Variants in ADAD1 observed in about 807,000 individuals in gnomAD.
ADAD1 encodes adenosine deaminase domain-containing protein 1.
Under a neutral mutation model 66.8 loss-of-function variants are expected in ADAD1, and 46 were observed. The observed-to-expected ratio is 0.69, with a 90% CI of 0.54 to 0.88. ADAD1 has a LOEUF of 0.88. Ranked by LOEUF, ADAD1 falls within the 40% of genes least tolerant of loss-of-function variation. The probability of loss-of-function intolerance (pLI) is 0.00; values close to 1 mark genes in which losing one functional copy is unlikely to be tolerated. For synonymous variants in ADAD1, 248 were observed against 229.4 expected, an observed-to-expected ratio of 1.08 and a Z score of -0.73; for missense variants, 617 against 681.8, an observed-to-expected ratio of 0.91 and a Z score of 1.06.
chr4:122,407,726 C>A (rs966268348), intron 7 of ADAD1, among the ~76,000 whole-genome samples, 182 bp from the exon 8 acceptor site: 5 of 152,122 alleles, frequency 3.3e-5, no homozygotes, highest in African/African-American at 1.2e-4. Flanking sequence ...TATAAAACAT[C>A]TGCCTTTTTA....
intron 7 of ADAD1, 40 bp downstream of exon 7, chr4:122,396,417 T>G: frequency 6.7e-7 from 1 of 1,487,142 alleles, no homozygotes; most frequent in Non-Finnish European, 9.1e-7. Context: ...ATTGTAATAA[T>G]CTAATAGTAA....
chr4:122,404,078 T>G (rs1051019026), intron 7 of ADAD1, among the ~76,000 whole-genome samples: 1 of 152,120 alleles, frequency 6.6e-6, no homozygotes, highest in African/African-American at 2.4e-5. Context: ...CGCTGAGATC[T>G]TGCACGAGGA....
chr4:122,420,684 G>T (rs1796963721), intron 11 of ADAD1, among the ~76,000 whole-genome samples: 1 of 152,156 alleles, frequency 6.6e-6, no homozygotes, highest in Admixed American at 6.6e-5. Context: ...CAATAAAGGG[G>T]AAAAGTTACA....
At chr4:122,426,802 T>C (rs553720722) in intron 12 of ADAD1, among the ~76,000 whole-genome samples, 1 of 152,246 alleles carries the variant, frequency 6.6e-6, no homozygotes, top group Middle Eastern at 3.4e-3. Flanking sequence ...ATAAAAACAC[T>C]GAACAAACAA....
intron 5 of ADAD1, among the ~76,000 whole-genome samples, chr4:122,392,398 A>G (rs1236760825): frequency 1.3e-5 from 2 of 152,252 alleles, no homozygotes; most frequent in Non-Finnish European, 2.9e-5. Flanking sequence ...TGTCCTTTGC[A>G]GCAACATGGA....
rs557415371 is a variant in ADAD1, at chr4:122,403,510, C to T, written c.725-4398C>T. On this transcript the variant is annotated intron_variant, in intron 7 of 12. Transcript: ENST00000296513. Reference sequence around the variant, plus strand: ...AGTTGTCACATGGACAGACTCAGGACCTCTGCTTAGCCAGGATGTTGCAGG... The same window carrying T: ...AGTTGTCACATGGACAGACTCAGGATCTCTGCTTAGCCAGGATGTTGCAGG... Among the ~76,000 whole-genome samples, 5 of 152,274 alleles carry T rather than the reference C, an allele frequency of 3.3e-5. No individual in the cohort carries two copies. In the South Asian group the frequency reaches 1.0e-3, roughly 32 times the overall value.
intron 7 of ADAD1, among the ~76,000 whole-genome samples, chr4:122,402,769 ACCT>A (rs1796036801): frequency 6.6e-6 from 1 of 151,982 alleles, no homozygotes; most frequent in South Asian, 2.1e-4. Context: ...TATTTCTTCT[ACCT>A]CTTCTAGTCT....
chr4:122,383,999 A>C, intron 5 of ADAD1, 33 bp downstream of exon 5: 1 of 1,518,520 alleles, frequency 6.6e-7, no homozygotes, highest in South Asian at 1.3e-5. Flanking sequence ...TATTTATAAG[A>C]GGTATCATTT....
At chr4:122,411,633 T>C (rs1488169775) in intron 9 of ADAD1, among the ~76,000 whole-genome samples, 1 of 152,208 alleles carries the variant, frequency 6.6e-6, no homozygotes, top group African/African-American at 2.4e-5. Flanking sequence ...GCTCCAGAAT[T>C]GGAAACTTTT....
chr4:122,407,107 T>G (rs10050137), intron 7 of ADAD1, among the ~76,000 whole-genome samples: 6,537 of 152,156 alleles, frequency 0.043, 480 homozygotes, highest in African/African-American at 0.15. Flanking sequence ...GAACTGCAGT[T>G]ACATTTGCAC....
Position 122,396,370 on chromosome 4 carries a change from T to C in ADAD1, c.717T>C (p.Ile239=). 1.3e-6 allele frequency: 2 copies of C among 1,579,572 alleles called. No homozygotes were observed. The highest frequency in any genetic ancestry group is 1.7e-6 in the Non-Finnish European group (2 of 1,166,632). ...GCAGTTCATTGGCTGCTTTTATAAT[T>C]GAAAGAGGTAAGTCCACATATTTGG... The part of the protein sequence containing the change: ...KYSSSLAAFI[I]ERAGQHEVVA... Residue 239 remains isoleucine (I), a synonymous_variant, in exon 7 of 13, where the codon ATT becomes ATC. Transcript: ENST00000296513.
At chr4:122,396,701 T>C (rs1795734525) in intron 7 of ADAD1, among the ~76,000 whole-genome samples, 1 of 152,228 alleles carries the variant, frequency 6.6e-6, no homozygotes, top group South Asian at 2.1e-4. Flanking sequence ...GATTGAAATA[T>C]GGAATCTTAT....
chr4:122,380,192 A>C lies in ADAD1; in HGVS notation c.123A>C (p.Ser41=). Residue 41 remains serine (S), a synonymous_variant, in exon 3 of 13, where the codon TCA becomes TCC. Coordinates refer to ENST00000296513, the MANE Select transcript of ADAD1 (RefSeq NM_139243.4). ...KTITTPTGWS[S]ESYGLSKMAS... ...TAACTACACCCACAGGATGGTCCTCAGAAAGTTACGGCCTGTCCAAGATGG... is the reference window on the plus strand; with the variant it reads ...TAACTACACCCACAGGATGGTCCTCCGAAAGTTACGGCCTGTCCAAGATGG... The C allele has an allele frequency of 6.2e-7, 1 of 1,614,166 alleles. No homozygotes were observed. Among genetic ancestry groups the C allele is most frequent in the Non-Finnish European group, 8.5e-7 (1 of 1,180,018 alleles).
intron 7 of ADAD1, among the ~76,000 whole-genome samples, chr4:122,397,382 T>G (rs956261313): frequency 1.3e-5 from 2 of 152,198 alleles, no homozygotes; most frequent in African/African-American, 2.4e-5. Context: ...AATTATATAC[T>G]TAACGTCTCT....
chr4:122,400,096 G>A (rs1795901162), intron 7 of ADAD1, among the ~76,000 whole-genome samples: 1 of 151,988 alleles, frequency 6.6e-6, no homozygotes, highest in African/African-American at 2.4e-5. Flanking sequence ...TTCTCAGGGT[G>A]AATACTTTGA....
At chr4:122,425,069 T>C (rs1461023376) in intron 12 of ADAD1, among the ~76,000 whole-genome samples, 1 of 152,078 alleles carries the variant, frequency 6.6e-6, no homozygotes, top group East Asian at 1.9e-4. Context: ...CAAAATCTGA[T>C]GGAATTGTAA....
intron 5 of ADAD1, among the ~76,000 whole-genome samples, chr4:122,387,606 T>G (rs1385868895): frequency 6.6e-6 from 1 of 151,976 alleles, no homozygotes; most frequent in Non-Finnish European, 1.5e-5. Context: ...CAAAAGTATG[T>G]TGAATAATAG....
chr4:122,384,048 G>C, intron 5 of ADAD1, 82 bp downstream of exon 5: 1 of 1,255,308 alleles, frequency 8.0e-7, no homozygotes, highest in Non-Finnish European at 1.1e-6. Context: ...GTTAATGAGA[G>C]TTACTTGGCA....
chr4:122,429,428 A>C (rs80118980), intron 12 of ADAD1, among the ~76,000 whole-genome samples, 198 bp from the exon 13 acceptor site: 2 of 152,034 alleles, frequency 1.3e-5, no homozygotes, highest in African/African-American at 4.8e-5. Context: ...TCTTAGGAAA[A>C]AAAAAAAAAG....
Sources: gnomAD v4.1 joint callset for allele counts (sites outside exome capture counted in the v4.1 genomes callset) on GRCh38, gnomAD v4.1.1 for gene constraint, MANE v1.5 for transcripts, NCBI Gene and HGNC (gene_info 2026-07-23, HGNC 2026-07-21) for gene names.